The following TUSC3 variants were observed in gnomAD, a reference collection of about 807,000 sequenced individuals.
TUSC3 encodes dolichyl-diphosphooligosaccharide--protein glycosyltransferase subunit TUSC3.
Under a neutral mutation model 44.8 loss-of-function variants are expected in TUSC3, and 45 were observed. The observed-to-expected ratio is 1.00, with a 90% CI of 0.79 to 1.29. The LOEUF (loss-of-function observed/expected upper bound fraction) is 1.29. Ranked by LOEUF, TUSC3 falls within the 50% of genes most tolerant of loss-of-function variation. The pLI is 0.00. For synonymous variants in TUSC3, 212 were observed against 152.9 expected (o/e 1.39, Z -2.85); for missense variants, 519 against 437.9 (o/e 1.19, Z -1.65).
intron 1 of TUSC3, among the ~76,000 whole-genome samples, chr8:15,433,672 G>A (rs928263655): frequency 1.3e-5 from 2 of 152,048 alleles, no homozygotes; most frequent in African/African-American, 4.8e-5. Flanking sequence ...GTCACTTGCA[G>A]AATTTAACTA....
chr8:15,427,487 A>C (rs1329417791), intron 1 of TUSC3, among the ~76,000 whole-genome samples: 1 of 152,174 alleles, frequency 6.6e-6, no homozygotes. Context: ...AGGGGTGTAG[A>C]GAGCTAACAC....
chr8:15,836,987 G>GT, the TUSC3 span, among the ~76,000 whole-genome samples: 4,297 of 151,784 alleles, frequency 0.028, 146 homozygotes, highest in East Asian at 0.08. Context: ...ATAATAACTA[G>GT]TTTTTTTTCT....
chr8:15,651,356 A>G (rs1467901928), intron 3 of TUSC3, among the ~76,000 whole-genome samples: 1 of 152,216 alleles, frequency 6.6e-6, no homozygotes, highest in Non-Finnish European at 1.5e-5. Flanking sequence ...TATTTTACAT[A>G]TAGAGGATTA....
chr8:15,438,767 T>C (rs1345961739), intron 1 of TUSC3, among the ~76,000 whole-genome samples: 11 of 152,136 alleles, frequency 7.2e-5, no homozygotes, highest in Non-Finnish European at 1.3e-4. Context: ...GAAAAATATA[T>C]TGGGTAAATT....
At chr8:15,503,240 C>T (rs1414624331) in intron 2 of TUSC3, among the ~76,000 whole-genome samples, 1 of 152,052 alleles carries the variant, frequency 6.6e-6, no homozygotes, top group Non-Finnish European at 1.5e-5. Flanking sequence ...TGGGAAGACA[C>T]AAGGACAATA....
intron 1 of TUSC3, 136 bp downstream of exon 1, chr8:15,540,704 G>A (rs1199162135): frequency 8.1e-7 from 1 of 1,229,736 alleles, no homozygotes; most frequent in Non-Finnish European, 1.1e-6. Flanking sequence ...CGGGAGCCGC[G>A]AGGGTGGGAG....
intron 1 of TUSC3, among the ~76,000 whole-genome samples, chr8:15,460,619 AG>A (rs779629071): frequency 1.2e-4 from 19 of 152,326 alleles, no homozygotes; most frequent in South Asian, 2.1e-4. Context: ...AATGTCTAGA[AG>A]GGTTTTTCCA....
At chr8:15,556,069 A>G (rs976601548) in intron 1 of TUSC3, among the ~76,000 whole-genome samples, 14 of 150,734 alleles carry the variant, frequency 9.3e-5, no homozygotes, top group East Asian at 6.0e-4. Context: ...GGTTAGTTAC[A>G]TATGTATACA....
chr8:15,486,501 G>A (rs1490742745), intron 2 of TUSC3, among the ~76,000 whole-genome samples: 1 of 152,074 alleles, frequency 6.6e-6, no homozygotes, highest in East Asian at 1.9e-4. Flanking sequence ...TTGGAGTACA[G>A]TGGTGCTGTC....
At chr8:15,723,340 G>A (rs1810378346) in intron 6 of TUSC3, among the ~76,000 whole-genome samples, 1 of 152,116 alleles carries the variant, frequency 6.6e-6, no homozygotes, top group Admixed American at 6.6e-5. Context: ...TCTTTGAGTG[G>A]CAAGTAATCA....
At chr8:15,764,112 TTA>T in intron 10 of TUSC3, 89 bp from the exon 11 acceptor site, 1 of 1,252,828 alleles carries the variant, frequency 8.0e-7, no homozygotes. Context: ...AATGTTATAT[TTA>T]CATGTGCTAA....
chr8:15,712,597 C>G (rs190997437), intron 6 of TUSC3, among the ~76,000 whole-genome samples: 5 of 152,210 alleles, frequency 3.3e-5, no homozygotes, highest in African/African-American at 7.2e-5. Flanking sequence ...AGATTTCCTT[C>G]TCTAGAATCT....
intron 6 of TUSC3, among the ~76,000 whole-genome samples, chr8:15,696,766 G>A (rs370393884): frequency 6.6e-6 from 1 of 152,160 alleles, no homozygotes; most frequent in South Asian, 2.1e-4. Flanking sequence ...TTTTGGTTAT[G>A]TCTTTTCCTG....
chr8:15,422,297 A>T (rs917065512), intron 1 of TUSC3, among the ~76,000 whole-genome samples: 7 of 152,248 alleles, frequency 4.6e-5, no homozygotes, highest in African/African-American at 1.7e-4. Flanking sequence ...GTTTTATCCT[A>T]TTCTATTACA....
chr8:15,418,463 G>A (rs565120759), intron 1 of TUSC3, among the ~76,000 whole-genome samples: 5 of 152,122 alleles, frequency 3.3e-5, no homozygotes, highest in Middle Eastern at 3.4e-3. Context: ...CTTGTGAAAC[G>A]TTTATTTTAC....
chr8:15,813,080 T>C, the TUSC3 span, among the ~76,000 whole-genome samples: 1 of 151,576 alleles, frequency 6.6e-6, no homozygotes, highest in Non-Finnish European at 1.5e-5. Flanking sequence ...GACAACAGAG[T>C]AAGACCACGT....
chr8:15,572,407 G>C (rs1300500864), intron 1 of TUSC3, among the ~76,000 whole-genome samples: 2 of 152,048 alleles, frequency 1.3e-5, no homozygotes, highest in Non-Finnish European at 2.9e-5. Context: ...GCCTTGTTCT[G>C]AATTAGGCTT....
chr8:15,655,625 C>G (rs1245021385), intron 3 of TUSC3, among the ~76,000 whole-genome samples: 1 of 152,180 alleles, frequency 6.6e-6, no homozygotes, highest in African/African-American at 2.4e-5. Context: ...AAACGTCACT[C>G]CTGCTCTAAA....
At chr8:15,706,259 G>C (rs557643210) in intron 6 of TUSC3, among the ~76,000 whole-genome samples, 36 of 151,708 alleles carry the variant, frequency 2.4e-4, no homozygotes, top group Non-Finnish European at 4.4e-4. Flanking sequence ...TCATTTGAGA[G>C]TCTAATAGTG....
Sources: gnomAD v4.1 joint callset for allele counts (sites outside exome capture counted in the v4.1 genomes callset) on GRCh38, gnomAD v4.1.1 for gene constraint, MANE v1.5 for transcripts, NCBI Gene and HGNC (gene_info 2026-07-23, HGNC 2026-07-21) for gene names.